The following PGM1 variants were observed in gnomAD, a reference collection of about 807,000 sequenced individuals.
PGM1 encodes the protein phosphoglucomutase-1.
PGM1 carries 52 observed loss-of-function variants against 55.6 expected under a neutral mutation model. The ratio of observed to expected loss-of-function variants is 0.94; its 90% CI spans 0.75 to 1.18. The LOEUF is 1.18. Among genes scored for constraint, PGM1 ranks in the 50% most tolerant of loss-of-function variants. The pLI is 0.00. For synonymous variants in PGM1, 287 were observed against 271.7 expected (o/e 1.06, Z -0.55); for missense variants, 724 against 729.3 (o/e 0.99, Z 0.08).
chr1:63,605,616 C>A (rs1488244092), intron 1 of PGM1, among the ~76,000 whole-genome samples: 1 of 152,000 alleles, frequency 6.6e-6, no homozygotes, highest in East Asian at 1.9e-4. Flanking sequence ...CTCACTCTGC[C>A]ATCCAGGCTG....
intron 1 of PGM1, among the ~76,000 whole-genome samples, chr1:63,612,412 G>GATAT: frequency 6.6e-6 from 1 of 152,298 alleles, no homozygotes; most frequent in Admixed American, 6.5e-5. Context: ...TAGAATGATT[G>GATAT]ATATATAGTT....
intron 7 of PGM1, among the ~76,000 whole-genome samples, chr1:63,646,655 C>G (rs927600898): frequency 9.2e-5 from 14 of 152,116 alleles, no homozygotes; most frequent in Non-Finnish European, 1.9e-4. Flanking sequence ...TTGGTGGAAT[C>G]CCGTTTCCCT....
chr1:63,623,355 A>C, intron 1 of PGM1: 1 of 1,517,798 alleles, frequency 6.6e-7, no homozygotes, highest in South Asian at 1.4e-5. Flanking sequence ...CCTCTATTTT[A>C]GTTACTCATA....
intron 4 of PGM1, among the ~76,000 whole-genome samples, chr1:63,633,932 A>ATATT (rs1649284557): frequency 1.4e-4 from 5 of 35,358 alleles, no homozygotes; most frequent in South Asian, 1.6e-3. Flanking sequence ...ATATATATAT[A>ATATT]TTTTTTTTTT....
At chr1:63,640,252 A>G (rs1367011680) in intron 7 of PGM1, among the ~76,000 whole-genome samples, 1 of 152,156 alleles carries the variant, frequency 6.6e-6, no homozygotes, top group Non-Finnish European at 1.5e-5. Context: ...GTTCTCCTGT[A>G]CCAGTATCAG....
At chr1:63,593,896 A>C in intron 1 of PGM1, 162 bp downstream of exon 1, 1 of 1,257,032 alleles carries the variant, frequency 8.0e-7, no homozygotes, top group Non-Finnish European at 9.9e-7. Context: ...TCTGGCCTGG[A>C]GGCCCGACGG....
At chr1:63,609,511 G>C (rs1289888339) in intron 1 of PGM1, among the ~76,000 whole-genome samples, 2 of 152,164 alleles carry the variant, frequency 1.3e-5, no homozygotes, top group Non-Finnish European at 2.9e-5. Context: ...AGTTACAACA[G>C]GGTGCGAATT....
chr1:63,647,354 A>T (rs1281757400), intron 7 of PGM1, among the ~76,000 whole-genome samples: 2 of 140,660 alleles, frequency 1.4e-5, no homozygotes, highest in African/African-American at 5.1e-5. Flanking sequence ...AAACAACCAG[A>T]TCTCTTTAAT....
At chr1:63,649,941 G>A (rs907688040) in intron 8 of PGM1, among the ~76,000 whole-genome samples, 11 of 152,148 alleles carry the variant, frequency 7.2e-5, no homozygotes, top group Admixed American at 3.9e-4. Context: ...GCATAAATAC[G>A]TTTTGAACCG....
rs763336678 is a variant in PGM1, at chr1:63,638,741, T to C, written c.1085T>C (p.Phe362Ser). Reference protein sequence around the residue: ...LYETPTGWKFFGNLMDASKLS... With the variant: ...LYETPTGWKFSGNLMDASKLS... ...GAGACCCCAACTGGCTGGAAGTTTTTTGGGAATTTGATGGACGCGAGCAAA... is the reference window on the plus strand; with the variant it reads ...GAGACCCCAACTGGCTGGAAGTTTTCTGGGAATTTGATGGACGCGAGCAAA... Residue 362 changes from phenylalanine (F) to serine (S), a missense_variant, in exon 7 of 11, where the codon TTT (phenylalanine) becomes TCT (serine). Phe to Ser is a radical substitution (Grantham distance 155). Around this residue, in one of 3 missense-constraint regions of PGM1, gnomAD observed 316 missense variants for 313.1 expected, o/e 1.01. Transcript: ENST00000371084. 3.7e-6 allele frequency: 6 copies of C among 1,614,140 alleles called. No homozygotes were observed. The highest frequency in any genetic ancestry group is 2.2e-5 in the East Asian group (1 of 44,876).
intron 1 of PGM1, among the ~76,000 whole-genome samples, chr1:63,610,716 T>C (rs1017771672): frequency 6.6e-6 from 1 of 152,202 alleles, no homozygotes; most frequent in Non-Finnish European, 1.5e-5. Context: ...CCTATTAGCT[T>C]ATAAATTTCA....
chr1:63,623,133 G>C, intron 1 of PGM1: 1 of 905,728 alleles, frequency 1.1e-6, no homozygotes, highest in Non-Finnish European at 1.4e-6. Context: ...ACTCCTTGGA[G>C]CTATCTCTAC....
At chr1:63,630,589 G>T (rs1649168961) in intron 3 of PGM1, among the ~76,000 whole-genome samples, 1 of 152,164 alleles carries the variant, frequency 6.6e-6, no homozygotes, top group African/African-American at 2.4e-5. Flanking sequence ...TGATTCGCAA[G>T]ACTACACTTT....
At chr1:63,635,284 G>T (rs921622459) in intron 5 of PGM1, among the ~76,000 whole-genome samples, 3 of 152,100 alleles carry the variant, frequency 2.0e-5, no homozygotes, top group Non-Finnish European at 4.4e-5. Context: ...AGAATGACTG[G>T]TATTTCCTGA....
At chr1:63,594,788 C>CAAAAA (rs34661751) in intron 1 of PGM1, among the ~76,000 whole-genome samples, 6 of 90,504 alleles carry the variant, frequency 6.6e-5, no homozygotes, top group African/African-American at 1.7e-4. Flanking sequence ...CTAAAAAATA[C>CAAAAA]AAAAAAAAAA....
intron 1 of PGM1, among the ~76,000 whole-genome samples, chr1:63,624,815 A>T (rs1648977945): frequency 6.6e-6 from 1 of 152,214 alleles, no homozygotes; most frequent in African/African-American, 2.4e-5. Flanking sequence ...AGCAAAACAA[A>T]ATAAAATGTA....
At chr1:63,601,212 G>A (rs1052920501) in intron 1 of PGM1, among the ~76,000 whole-genome samples, 11 of 152,174 alleles carry the variant, frequency 7.2e-5, no homozygotes, top group Non-Finnish European at 1.3e-4. Context: ...GATAGGAGAT[G>A]TGGTAGTTTT....
At chr1:63,617,770 CAA>C (rs1371250703) in intron 1 of PGM1, among the ~76,000 whole-genome samples, 14 of 104,240 alleles carry the variant, frequency 1.3e-4, no homozygotes, top group Admixed American at 3.0e-4. Flanking sequence ...GACCCTGAAA[CAA>C]GAGGAACCCA....
At position 63,651,685 on chromosome 1, in the gene PGM1, G is replaced by A. The variant is rs764661136; in HGVS notation, c.1297G>A (p.Val433Met). 6.2e-7 allele frequency: 1 copy of A among 1,613,764 alleles called. No homozygotes were observed. Among genetic ancestry groups the A allele is most frequent in the Non-Finnish European group, 8.5e-7 (1 of 1,179,752 alleles). The change falls in exon 9 of 11, where the codon GTG (valine) becomes ATG (methionine). Residue 433 changes from valine to methionine, a missense_variant. Coordinates refer to ENST00000371084, the MANE Select transcript of PGM1 (RefSeq NM_002633.3). ...NFFTRYDYEEVEAEGANKMMK... is the reference protein window; with the variant it reads ...NFFTRYDYEEMEAEGANKMMK... ...TTCTTCCAGGTATGATTACGAGGAG[G>A]TGGAAGCTGAGGGCGCAAACAAAAT...
Sources: gnomAD v4.1 joint callset for allele counts (sites outside exome capture counted in the v4.1 genomes callset) on GRCh38, gnomAD v4.1.1 for gene constraint, gnomAD v4.1.1 regional missense constraint, MANE v1.5 for transcripts, NCBI Gene and HGNC (gene_info 2026-07-23, HGNC 2026-07-21) for gene names.